Variants in TRIO observed in about 807,000 individuals in gnomAD.
The protein encoded by TRIO is triple functional domain protein.
TRIO carries 58 observed loss-of-function variants against 351.9 expected under a neutral mutation model. The observed-to-expected ratio is 0.16, with a 90% confidence interval of 0.13 to 0.21. The LOEUF is 0.21. TRIO is among the 10% of genes least tolerant of loss of function. TRIO has a pLI of 1.00. For missense variants in TRIO, 3,201 were observed against 4,027.8 expected (o/e 0.79, Z 5.56); for synonymous variants, 1,758 against 1,595.7 (o/e 1.10, Z -2.42).
chr5:14,498,551 G>T lies in TRIO; in HGVS notation c.8243G>T (p.Gly2748Val). ...GGAGAGGCCACGCTGAAGATTGTGG[G>T]CGTGACCACGGAAGATGACGGCATC... is the stretch of plus-strand genomic sequence containing the variant. ...DLGEATLKIVGVTTEDDGIYT... is the reference protein window; with the variant it reads ...DLGEATLKIVVVTTEDDGIYT... The change falls in exon 53 of 57, where the codon GGC becomes GTC. Residue 2748 changes from glycine to valine, a missense_variant. Gly to Val is a moderately radical substitution (Grantham distance 109). Transcript: ENST00000344204. The T allele has an allele frequency of 1.2e-6, 2 of 1,613,836 alleles. No homozygotes were observed. Among genetic ancestry groups the T allele is most frequent in the Middle Eastern group, 1.6e-4 (1 of 6,062 alleles).
intron 6 of TRIO, among the ~76,000 whole-genome samples, chr5:14,294,373 AGTAAGAGAATTTCTG>A (rs1384680022): frequency 6.6e-6 from 1 of 151,740 alleles, no homozygotes; most frequent in Non-Finnish European, 1.5e-5. Context: ...TAGAATTTAA[AGTAAGAGAATTTCTG>A]GTTCGAATCG....
At chr5:14,145,494 C>CCG (rs1787454986) in intron 1 of TRIO, among the ~76,000 whole-genome samples, 1 of 47,374 alleles carries the variant, frequency 2.1e-5, no homozygotes, top group Admixed American at 1.6e-4. Context: ...AGAAAGCTAC[C>CCG]CCCCCCCACC....
chr5:14,440,041 C>CT (rs962952643), intron 34 of TRIO, among the ~76,000 whole-genome samples: 2 of 151,908 alleles, frequency 1.3e-5, no homozygotes, highest in South Asian at 2.1e-4. Flanking sequence ...AAAATTTTAA[C>CT]TTTTTTTTAA....
chr5:14,343,743 T>C (rs1263979370), intron 11 of TRIO, among the ~76,000 whole-genome samples: 2 of 152,258 alleles, frequency 1.3e-5, no homozygotes, highest in African/African-American at 4.8e-5. Flanking sequence ...TCTAGGTTTT[T>C]GCGTGAACAT....
At chr5:14,177,630 C>T (rs1309996225) in intron 1 of TRIO, among the ~76,000 whole-genome samples, 8 of 152,226 alleles carry the variant, frequency 5.3e-5, no homozygotes. Context: ...GCCGGGCTGA[C>T]TGGCTTCCAT....
At chr5:14,223,278 G>A (rs1384650963) in intron 1 of TRIO, among the ~76,000 whole-genome samples, 3 of 49,766 alleles carry the variant, frequency 6.0e-5, no homozygotes, top group South Asian at 6.8e-4. Context: ...TGAATGGGTC[G>A]ACAAAAATGT....
At chr5:14,378,623 G>A (rs927259561) in intron 20 of TRIO, among the ~76,000 whole-genome samples, 19 of 151,380 alleles carry the variant, frequency 1.3e-4, no homozygotes, top group Non-Finnish European at 2.1e-4. Flanking sequence ...GCAATGGCAC[G>A]GTCTCAGCTT....
chr5:14,462,985 G>C, intron 36 of TRIO, 60 bp downstream of exon 36: 2 of 1,486,160 alleles, frequency 1.3e-6, no homozygotes, highest in Non-Finnish European at 1.8e-6. Flanking sequence ...GGCACGCTCG[G>C]TAGCTGCTTC....
intron 34 of TRIO, among the ~76,000 whole-genome samples, chr5:14,457,955 C>G (rs566078741): frequency 6.6e-6 from 1 of 152,078 alleles, no homozygotes; most frequent in Non-Finnish European, 1.5e-5. Flanking sequence ...GGCTGAGGTC[C>G]TACTAGTTGT....
intron 48 of TRIO, among the ~76,000 whole-genome samples, chr5:14,492,157 CAATT>C (rs776282747): frequency 2.6e-5 from 4 of 152,298 alleles, no homozygotes; most frequent in East Asian, 1.9e-4. Flanking sequence ...AATTTTGCAT[CAATT>C]AATTCTAATA....
chr5:14,187,507 C>G (rs1449453921), intron 1 of TRIO, among the ~76,000 whole-genome samples: 1 of 152,134 alleles, frequency 6.6e-6, no homozygotes, highest in African/African-American at 2.4e-5. Context: ...TCAGTCAGTA[C>G]CTTTGACTCT....
At chr5:14,355,183 A>G (rs911550912) in intron 11 of TRIO, among the ~76,000 whole-genome samples, 11 of 152,210 alleles carry the variant, frequency 7.2e-5, no homozygotes, top group African/African-American at 2.7e-4. Context: ...AGAAATGTCC[A>G]TGGATTGGAT....
intron 31 of TRIO, among the ~76,000 whole-genome samples, chr5:14,403,312 TGTG>T (rs371524569): frequency 0.071 from 3,003 of 42,180 alleles, 309 homozygotes; most frequent in African/African-American, 0.18. Context: ...GGGTGTAGGT[TGTG>T]GTGGTGAGGG....
chr5:14,175,642 A>C (rs1298850105), intron 1 of TRIO, among the ~76,000 whole-genome samples: 1 of 152,248 alleles, frequency 6.6e-6, no homozygotes, highest in Non-Finnish European at 1.5e-5. Context: ...AAGCTTACTT[A>C]TATCTACCTG....
chr5:14,463,691 G>A (rs1348671977), intron 36 of TRIO, among the ~76,000 whole-genome samples: 1 of 145,632 alleles, frequency 6.9e-6, no homozygotes, highest in African/African-American at 2.6e-5. Context: ...TTTTTTTTTG[G>A]CAGTAACTAA....
At chr5:14,261,775 A>T (rs1561264679) in intron 1 of TRIO, among the ~76,000 whole-genome samples, 1 of 152,110 alleles carries the variant, frequency 6.6e-6, no homozygotes, top group Non-Finnish European at 1.5e-5. Context: ...ATCAGAGAAG[A>T]TTGGTTTGTT....
intron 23 of TRIO, 83 bp downstream of exon 23, chr5:14,387,930 C>A (rs568165713): frequency 5.5e-6 from 8 of 1,446,290 alleles, no homozygotes; most frequent in African/African-American, 4.2e-5. Context: ...TCTGTGTGTG[C>A]TTTGAAGTCA....
intron 33 of TRIO, among the ~76,000 whole-genome samples, chr5:14,411,528 T>TG (rs879744691): frequency 0.015 from 2,216 of 152,306 alleles, 51 homozygotes; most frequent in African/African-American, 0.05. Flanking sequence ...GACTGATAAC[T>TG]TCATGTGGAA....
chr5:14,256,545 A>G (rs1795031584), intron 1 of TRIO, among the ~76,000 whole-genome samples: 2 of 152,186 alleles, frequency 1.3e-5, no homozygotes, highest in South Asian at 4.1e-4. Context: ...TTTCAAACAT[A>G]TGTAATAAAT....
Sources: allele counts gnomAD v4.1 joint callset (sites outside exome capture counted in the v4.1 genomes callset), GRCh38; gene constraint gnomAD v4.1.1; transcripts MANE v1.5; gene names NCBI Gene and HGNC (gene_info 2026-07-23, HGNC 2026-07-21).